Variants in MBOAT2 observed in about 807,000 individuals in gnomAD.
The protein encoded by MBOAT2 is membrane bound glycerophospholipid O-acyltransferase 2.
A neutral mutation model predicts 63.4 loss-of-function variants in MBOAT2; 28 were observed. The observed-to-expected ratio is 0.44, with a 90% confidence interval of 0.33 to 0.61. MBOAT2 has a LOEUF of 0.61. Among genes scored for constraint, MBOAT2 ranks in the 20% least tolerant of loss-of-function variants. The pLI is 0.03. For synonymous variants in MBOAT2, 211 were observed against 215.6 expected (o/e 0.98, Z 0.19); for missense variants, 470 against 605.8 (o/e 0.78, Z 2.35).
rs1331026499 is a variant in MBOAT2, at chr2:8,854,839, G to GT, written c.*3839dup. 2.0e-4 allele frequency: 30 copies of GT among 152,152 alleles called. No individual in the cohort carries two copies. The highest frequency in any genetic ancestry group is 5.3e-4 in the African/African-American group (22 of 41,448). The allele number at this position is 152,152 out of a possible 1,614,324, so 9.4% of individuals were successfully genotyped here. A position where few individuals can be genotyped will look rare whatever the true frequency, so the allele number is the denominator to read the frequency against. ...TGTTTTCTGCGGTTTAAAATAAGGT[G>GT]TAACTAAACTAAATATGCTTTAAAT... On this transcript the variant is annotated 3_prime_UTR_variant, in exon 13 of 13. Transcript: ENST00000305997.
At chr2:8,909,199 T>C (rs999602350) in intron 3 of MBOAT2, among the ~76,000 whole-genome samples, 1 of 152,222 alleles carries the variant, frequency 6.6e-6, no homozygotes, top group African/African-American at 2.4e-5. Flanking sequence ...ACTTACTGAT[T>C]TCTATAAACT....
At chr2:8,885,628 C>T (rs1663494612) in intron 5 of MBOAT2, among the ~76,000 whole-genome samples, 1 of 152,176 alleles carries the variant, frequency 6.6e-6, no homozygotes, top group Admixed American at 6.5e-5. Context: ...CATGAGCAAA[C>T]ATGCCAGCAG....
intron 3 of MBOAT2, among the ~76,000 whole-genome samples, 198 bp downstream of exon 3, chr2:8,942,989 T>C (rs1668158719): frequency 6.6e-6 from 1 of 152,172 alleles, no homozygotes; most frequent in Admixed American, 6.5e-5. Flanking sequence ...GAATCATCCA[T>C]CCCAAAATGT....
At chr2:8,953,555 TTCTC>T (rs2103264004) in intron 2 of MBOAT2, among the ~76,000 whole-genome samples, 1 of 152,316 alleles carries the variant, frequency 6.6e-6, no homozygotes, top group African/African-American at 2.4e-5. Flanking sequence ...CTTTTTCTCC[TTCTC>T]TCTCAGGAAT....
chr2:8,891,819 T>C (rs1480502501), intron 4 of MBOAT2, among the ~76,000 whole-genome samples: 3 of 152,202 alleles, frequency 2.0e-5, no homozygotes, highest in Non-Finnish European at 4.4e-5. Context: ...AGCTTCCGTT[T>C]CCTTCTATAG....
intron 3 of MBOAT2, among the ~76,000 whole-genome samples, chr2:8,912,094 T>C (rs868327677): frequency 4.6e-5 from 7 of 151,818 alleles, no homozygotes; most frequent in Non-Finnish European, 1.0e-4. Flanking sequence ...CATACCTTAA[T>C]GTAATAAAAG....
At chr2:8,912,265 T>C (rs1665760097) in intron 3 of MBOAT2, among the ~76,000 whole-genome samples, 2 of 126,378 alleles carry the variant, frequency 1.6e-5, no homozygotes, top group African/African-American at 6.1e-5. Context: ...CAGACAGACA[T>C]AGAGAAAGAC....
intron 3 of MBOAT2, among the ~76,000 whole-genome samples, chr2:8,927,891 A>T (rs1667044736): frequency 6.6e-6 from 1 of 152,154 alleles, no homozygotes; most frequent in South Asian, 2.1e-4. Context: ...CAAAGAAAAG[A>T]GGGTTAATTG....
chr2:9,003,470 G>C lies in MBOAT2; in HGVS notation c.75+70C>G. ...GCCCCCACCCTCCTCCCGGGCCCCC[G>C]GTCGGGTGGCACCGCGGCGGGGAGG... On this transcript the variant is annotated intron_variant, in intron 1 of 12. Coordinates refer to ENST00000305997, the MANE Select transcript of MBOAT2 (RefSeq NM_138799.4). The surrounding 1 kb of genome is among the most constrained non-coding windows in gnomAD (Gnocchi z 5.4). The C allele has an allele frequency of 9.5e-7, 1 of 1,050,228 alleles. No homozygotes were observed. The highest frequency in any genetic ancestry group is 1.2e-6 in the Non-Finnish European group (1 of 845,824). The allele number at this position is 1,050,228 out of a possible 1,614,324, so 65.1% of individuals were successfully genotyped here. A position where few individuals can be genotyped will look rare whatever the true frequency, so the allele number is the denominator to read the frequency against.
intron 3 of MBOAT2, among the ~76,000 whole-genome samples, chr2:8,931,914 T>C (rs1318556893): frequency 1.3e-5 from 2 of 152,226 alleles, no homozygotes. Context: ...GTATTATTTC[T>C]GAGATCTCTA....
Position 8,873,256 on chromosome 2 carries a change from T to C in MBOAT2, c.735A>G (p.Leu245=). 6.2e-7 allele frequency: 1 copy of C among 1,614,084 alleles called. No individual in the cohort carries two copies. Among genetic ancestry groups the C allele is most frequent in the Non-Finnish European group, 8.5e-7 (1 of 1,179,978 alleles). Residue 245 remains leucine (L), a synonymous_variant, in exon 8 of 13, where the codon TTA becomes TTG. Coordinates refer to ENST00000305997, the MANE Select transcript of MBOAT2 (RefSeq NM_138799.4). ...QKLLVCGLSL[L]FHLTICTTLP... is the part of the protein sequence containing the mutation. The stretch of plus-strand genomic sequence containing the variant: ...ATGTTGTACAGATGGTCAAGTGAAA[T>C]AACAAGGACAGCCCACAAACTAAGA...
At chr2:8,954,907 A>G (rs7585660) in intron 2 of MBOAT2, among the ~76,000 whole-genome samples, 12,169 of 152,246 alleles carry the variant, frequency 0.08, 781 homozygotes, top group African/African-American at 0.18. Flanking sequence ...GTATCAGTAG[A>G]GCAGAGTGGG....
intron 2 of MBOAT2, among the ~76,000 whole-genome samples, chr2:8,945,885 T>G (rs943687865): frequency 1.3e-5 from 2 of 152,224 alleles, no homozygotes; most frequent in Non-Finnish European, 2.9e-5. Flanking sequence ...ATTGTTCCAC[T>G]AATCTTTACT....
chr2:8,956,220 C>A (rs1265373837), intron 2 of MBOAT2, among the ~76,000 whole-genome samples: 1 of 152,068 alleles, frequency 6.6e-6, no homozygotes, highest in Non-Finnish European at 1.5e-5. Context: ...GATACGATTG[C>A]CTTTGAGCCT....
chr2:8,940,866 AAAC>A (rs1668003423), intron 3 of MBOAT2, among the ~76,000 whole-genome samples: 2 of 152,222 alleles, frequency 1.3e-5, no homozygotes, highest in Non-Finnish European at 2.9e-5. Flanking sequence ...TTAAAGACTT[AAAC>A]TCTGGCTAGT....
intron 4 of MBOAT2, among the ~76,000 whole-genome samples, chr2:8,906,040 C>T (rs1350614960): frequency 6.6e-6 from 1 of 152,218 alleles, no homozygotes; most frequent in Non-Finnish European, 1.5e-5. Context: ...TCACTGCAAC[C>T]TCTGCCCCCA....
intron 3 of MBOAT2, among the ~76,000 whole-genome samples, chr2:8,920,557 T>TA (rs1437310751): frequency 2.6e-4 from 38 of 146,644 alleles, no homozygotes; most frequent in African/African-American, 9.6e-4. Context: ...TATCAATTTC[T>TA]ACCAAAAAAA....
chr2:8,860,401 T>C (rs1661411632), intron 12 of MBOAT2, among the ~76,000 whole-genome samples: 1 of 152,214 alleles, frequency 6.6e-6, no homozygotes, highest in African/African-American at 2.4e-5. Flanking sequence ...TATTTCTCTG[T>C]CTAAATCACT....
intron 1 of MBOAT2, among the ~76,000 whole-genome samples, chr2:8,997,474 C>A (rs1227859749): frequency 6.6e-6 from 1 of 152,204 alleles, no homozygotes; most frequent in Non-Finnish European, 1.5e-5. Context: ...AGTTTAATCA[C>A]TGTGTGGGCA....
Sources: gnomAD v4.1 joint callset for allele counts (sites outside exome capture counted in the v4.1 genomes callset) on GRCh38, gnomAD v4.1.1 for gene constraint, Gnocchi (gnomAD v3.1) non-coding constraint, MANE v1.5 for transcripts, NCBI Gene and HGNC (gene_info 2026-07-23, HGNC 2026-07-21) for gene names.